The following TPRN variants were observed in gnomAD, a reference collection of about 807,000 sequenced individuals.
The protein encoded by TPRN is taperin.
Under a neutral mutation model 42.6 loss-of-function variants are expected in TPRN, and 32 were observed. The observed-to-expected ratio is 0.75, with a 90% CI of 0.57 to 1.01. The LOEUF is 1.01. Ranked by LOEUF, TPRN falls within the 50% of genes least tolerant of loss-of-function variation. TPRN has a pLI of 0.00. For missense variants in TPRN, 1,095 were observed against 957.5 expected (o/e 1.14, Z -1.90); for synonymous variants, 541 against 445.6 (o/e 1.21, Z -2.70).
At chr9:137,198,135 G>A (rs1168967206) in intron 1 of TPRN, among the ~76,000 whole-genome samples, 3 of 152,192 alleles carry the variant, frequency 2.0e-5, no homozygotes, top group African/African-American at 7.2e-5. Context: ...ACCCAAGGGA[G>A]GCGCCCCAGG....
chr9:137,192,638 G>T lies in TPRN; in HGVS notation c.1779C>A (p.Ser593=). 2 of 1,613,844 alleles carry T rather than the reference G, an allele frequency of 1.2e-6. No individual in the cohort carries two copies. The highest frequency in any genetic ancestry group is 8.5e-7 in the Non-Finnish European group (1 of 1,179,996). Residue 593 remains serine (S), a synonymous_variant, in exon 2 of 4, where the codon TCC becomes TCA. Transcript: ENST00000409012. ...KSLQTTFEYP[S]ESSLEQEEEV... ...CTTCCTCCTGCTCTAGGGAGCTCTC[G>T]GAAGGGTACTCAAATGTGGTCTGCA...
intron 1 of TPRN, chr9:137,194,110 G>C (rs898159464): frequency 6.6e-6 from 1 of 152,410 alleles, no homozygotes; most frequent in African/African-American, 2.4e-5. Flanking sequence ...CCCAGGCCCC[G>C]GCACCCCAGC....
chr9:137,192,108 G>A lies in TPRN; in HGVS notation c.*4C>T. 6.2e-7 allele frequency: 1 copy of A among 1,612,694 alleles called. No homozygotes were observed. Among genetic ancestry groups the A allele is most frequent in the Non-Finnish European group, 8.5e-7 (1 of 1,180,024 alleles). The stretch of plus-strand genomic sequence containing the variant: ...GCTCAGCCTTGGTCCTGGCAGTGCT[G>A]GGCTCAGAAATACAGGGCTGGCTCG... On this transcript the variant is annotated 3_prime_UTR_variant, in exon 4 of 4. Coordinates refer to ENST00000409012, the MANE Select transcript of TPRN (RefSeq NM_001128228.3).
Position 137,200,056 on chromosome 9 carries a change from C to G in TPRN, c.656G>C (p.Arg219Pro). ...PRGLHRGAGARLLSNGHSAPE... is the reference protein window; with the variant it reads ...PRGLHRGAGAPLLSNGHSAPE... ...GGCCGAGTGCCCGTTGGAGAGCAGG[C>G]GGGCGCCCGCGCCGCGGTGCAGACC... is the stretch of plus-strand genomic sequence containing the variant. The change falls in exon 1 of 4, where the codon CGC becomes CCC. Residue 219 changes from arginine to proline, a missense_variant. Coordinates refer to ENST00000409012, the MANE Select transcript of TPRN (RefSeq NM_001128228.3). The surrounding 1 kb of genome is among the most constrained non-coding windows in gnomAD (Gnocchi z 4.3). 1 of 1,432,870 alleles carries G rather than the reference C, an allele frequency of 7.0e-7. No homozygotes were observed. Among genetic ancestry groups the G allele is most frequent in the Non-Finnish European group, 9.1e-7 (1 of 1,100,092 alleles). 88.8% of individuals were successfully genotyped at this position (1,432,870 alleles called of 1,614,324 possible).
At chr9:137,196,402 T>C (rs1025653816) in intron 1 of TPRN, among the ~76,000 whole-genome samples, 1 of 152,032 alleles carries the variant, frequency 6.6e-6, no homozygotes, top group African/African-American at 2.4e-5. Flanking sequence ...ACCTGGCCAA[T>C]ATGGTAAAAC....
intron 1 of TPRN, among the ~76,000 whole-genome samples, chr9:137,195,855 C>T (rs1332726793): frequency 6.6e-6 from 1 of 152,172 alleles, no homozygotes; most frequent in Non-Finnish European, 1.5e-5. Flanking sequence ...GGGTGTCCCA[C>T]CCTCCAGGAA....
Position 137,192,270 on chromosome 9 carries a change from C to T in TPRN, c.2062G>A (p.Val688Met), listed in dbSNP as rs1188624411. ...CCCCCGCATCTCACCATGGCCTCCACGGGCGGGGGCTCTGCCTCCCTCGGG... is the reference window on the plus strand; with the variant it reads ...CCCCCGCATCTCACCATGGCCTCCATGGGCGGGGGCTCTGCCTCCCTCGGG... ...QAPREAEPPP[V>M]EAMLTPASQN... The change falls in exon 3 of 4, where the codon GTG becomes ATG. Residue 688 changes from valine to methionine, a missense_variant. Transcript: ENST00000409012. 2.4e-5 allele frequency: 39 copies of T among 1,612,948 alleles called. No homozygotes were observed. In the Middle Eastern group the frequency reaches 4.9e-4, roughly 20 times the overall value.
chr9:137,200,080 C>A lies in TPRN; in HGVS notation c.632G>T (p.Gly211Val), dbSNP rs1488058200. The change falls in exon 1 of 4, where the codon GGT (glycine) becomes GTT (valine). Residue 211 changes from glycine to valine, a missense_variant. Coordinates refer to ENST00000409012, the MANE Select transcript of TPRN (RefSeq NM_001128228.3). The surrounding 1 kb of genome is among the most constrained non-coding windows in gnomAD (Gnocchi z 4.3). ...GSNSFTVHPR[G>V]LHRGAGARLL... ...GCGGGCGCCCGCGCCGCGGTGCAGA[C>A]CCCGGGGGTGGACGGTGAAGGAGTT... is the stretch of plus-strand genomic sequence containing the variant. The A allele has an allele frequency of 1.1e-5, 16 of 1,404,212 alleles. No homozygotes were observed. In the South Asian group the frequency reaches 1.6e-4, roughly 14 times the overall value. The allele number at this position is 1,404,212 out of a possible 1,614,324, so 87.0% of individuals were successfully genotyped here.
intron 1 of TPRN, among the ~76,000 whole-genome samples, chr9:137,196,555 T>C (rs1319229268): frequency 6.6e-6 from 1 of 151,930 alleles, no homozygotes; most frequent in Non-Finnish European, 1.5e-5. Flanking sequence ...GCCACTACCC[T>C]CCAGCCTGGG....
rs200395964 is a variant in TPRN, at chr9:137,192,373, T to C, written c.1967-8A>G. 4.3e-4 allele frequency: 686 copies of C among 1,612,782 alleles called. No individual in the cohort carries two copies. The highest frequency in any genetic ancestry group is 5.0e-4 in the Non-Finnish European group (589 of 1,180,002). On this transcript the variant is annotated splice_polypyrimidine_tract_variant and splice_region_variant and intron_variant, in intron 2 of 3. Coordinates refer to ENST00000409012, the MANE Select transcript of TPRN (RefSeq NM_001128228.3). Reference sequence around the variant, plus strand: ...GGGTGTAGCTGGACAGGCCTGTGAATGGAGGTGCACATGCAGACGTGGACA... The same window carrying C: ...GGGTGTAGCTGGACAGGCCTGTGAACGGAGGTGCACATGCAGACGTGGACA...
chr9:137,198,946 C>T, intron 1 of TPRN, 41 bp downstream of exon 1: 3 of 1,611,306 alleles, frequency 1.9e-6, no homozygotes, highest in Non-Finnish European at 2.5e-6. Flanking sequence ...TGAGCTGTCA[C>T]TCTCTCCCTG....
intron 1 of TPRN, among the ~76,000 whole-genome samples, chr9:137,195,658 C>A (rs993443977): frequency 2.6e-5 from 4 of 152,176 alleles, no homozygotes; most frequent in Non-Finnish European, 5.9e-5. Flanking sequence ...CCCTGGGTGT[C>A]CAGGACTGAG....
Position 137,192,511 on chromosome 9 carries a change from G to T in TPRN, c.1906C>A (p.Arg636=), listed in dbSNP as rs145556855. ...CTCACGCTGCTCACAAACGTGGCCCGGGGCAGGAAGAGTGCAAAGGGCTTC... is the reference window on the plus strand; with the variant it reads ...CTCACGCTGCTCACAAACGTGGCCCTGGGCAGGAAGAGTGCAAAGGGCTTC... ...EEKPFALFLP[R]ATFVSSVRPE... Residue 636 remains arginine, a synonymous_variant, in exon 2 of 4, where the codon CGG becomes AGG. Coordinates refer to ENST00000409012, the MANE Select transcript of TPRN (RefSeq NM_001128228.3). The T allele has an allele frequency of 6.8e-6, 11 of 1,605,978 alleles. No individual in the cohort carries two copies. The highest frequency in any genetic ancestry group is 9.3e-6 in the Non-Finnish European group (11 of 1,176,634).
At position 137,199,004 on chromosome 9, in the gene TPRN, C is replaced by T. The variant is rs1564385445; in HGVS notation, c.1708G>A (p.Gly570Ser). ...ALQKSCLTKAGSSRKKMKISF... is the reference protein window; with the variant it reads ...ALQKSCLTKASSSRKKMKISF... ...CCACTGACCTTCTTTCTTGAGGAGC[C>T]AGCCTTGGTGAGGCAGGACTTCTGC... Residue 570 changes from glycine (G) to serine (S), a missense_variant, in exon 1 of 4, where the codon GGC becomes AGC. By Grantham distance (56) the Gly-to-Ser change is moderately conservative. Transcript: ENST00000409012. 1 of 1,613,034 alleles carries T rather than the reference C, an allele frequency of 6.2e-7. No homozygotes were observed. The highest frequency in any genetic ancestry group is 8.5e-7 in the Non-Finnish European group (1 of 1,179,992).
rs1172964054 is a variant in TPRN at position 137,199,373 on chromosome 9, C to G, written c.1339G>C (p.Glu447Gln). 1 of 1,612,840 alleles carries G rather than the reference C, an allele frequency of 6.2e-7. No homozygotes were observed. The change falls in exon 1 of 4, where the codon GAA becomes CAA. Residue 447 changes from glutamate (E) to glutamine (Q), a missense_variant. Glu to Gln is a conservative substitution (Grantham distance 29). Coordinates refer to ENST00000409012, the MANE Select transcript of TPRN (RefSeq NM_001128228.3). ...RVPGLAKNSREYVRPGLPVTF... is the reference protein window; with the variant it reads ...RVPGLAKNSRQYVRPGLPVTF... ...ACAGGCAGCCCCGGCCTCACATATT[C>G]CCGGCTATTCTTGGCCAAGCCAGGA...
Position 137,199,444 on chromosome 9 carries a change from AG to A in TPRN, c.1267del (p.Leu423CysfsTer27). 1 of 1,609,730 alleles carries A rather than the reference AG, an allele frequency of 6.2e-7. No individual in the cohort carries two copies. The highest frequency in any genetic ancestry group is 8.5e-7 in the Non-Finnish European group (1 of 1,178,624). On this transcript the variant is annotated frameshift_variant, in exon 1 of 4. Transcript: ENST00000409012. LOFTEE classifies it high-confidence loss of function. The part of the protein sequence containing the change: ...WQRPSSPPPF[L>X]PAASEEAEPA... ...CTCAGCTTCTTCCGAAGCAGCCGGC[AG>A]GAAGGGGGGCGGTGAGGACGGCCTC...
In TPRN at chr9:137,199,584, A is replaced by G; in HGVS notation, c.1128T>C (p.Asp376=). 6.4e-7 allele frequency: 1 copy of G among 1,555,942 alleles called. No individual in the cohort carries two copies. Residue 376 remains aspartate, a synonymous_variant, in exon 1 of 4, where the codon GAT becomes GAC. Coordinates refer to ENST00000409012, the MANE Select transcript of TPRN (RefSeq NM_001128228.3). ...GGCTCTTCCCGAGGGCAGGCGCACC[A>G]TCCCCTCCAGGCACCGGCTGGGATC... ...ELGSQPVPGG[D]GAPALGKSPL...
chr9:137,193,212 G>A (rs1272452342), intron 1 of TPRN: 1 of 172,860 alleles, frequency 5.8e-6, no homozygotes, highest in Non-Finnish European at 1.3e-5. Flanking sequence ...TGGATGCCTG[G>A]ACAATCCAGC....
chr9:137,197,450 C>T (rs1834722881), intron 1 of TPRN, among the ~76,000 whole-genome samples: 1 of 152,172 alleles, frequency 6.6e-6, no homozygotes, highest in African/African-American at 2.4e-5. Context: ...AGGCAGTGGC[C>T]TCAAGTCCCA....
Sources: allele counts gnomAD v4.1 joint callset (sites outside exome capture counted in the v4.1 genomes callset), GRCh38; gene constraint gnomAD v4.1.1; non-coding constraint Gnocchi (gnomAD v3.1); transcripts MANE v1.5; gene names NCBI Gene and HGNC (gene_info 2026-07-23, HGNC 2026-07-21).